FOXD4L1: variants seen among roughly 807,000 people sequenced by gnomAD.
FOXD4L1 encodes the protein forkhead box protein D4-like 1.
In FOXD4L1, 10 loss-of-function variants were observed where a neutral mutation model predicts 24.8. That is an observed-to-expected ratio of 0.40 (90% confidence interval 0.25 to 0.68). The LOEUF is 0.68. Among genes scored for constraint, FOXD4L1 ranks in the 30% least tolerant of loss-of-function variants. The pLI is 0.37. For missense variants in FOXD4L1, 364 were observed against 572.4 expected (o/e 0.64, Z 3.72); for synonymous variants, 159 against 256.4 (o/e 0.62, Z 3.63).
chr2:113,500,438 C>A, exon 1 of FOXD4L1: 1 of 1,518,658 alleles, frequency 6.6e-7, no homozygotes, highest in Non-Finnish European at 8.9e-7. Flanking sequence ...CACCTGTCGG[C>A]CGCGTCGGCG....
At chr2:113,499,348 G>C in exon 1 of FOXD4L1, 2 of 1,610,660 alleles carry the variant, frequency 1.2e-6, no homozygotes, top group Non-Finnish European at 1.7e-6. Context: ...GATGTCCTGG[G>C]AGAGGAGGAA....
chr2:113,499,598 G>T (rs543809844), exon 1 of FOXD4L1: 8 of 1,611,332 alleles, frequency 5.0e-6, no homozygotes, highest in Non-Finnish European at 6.8e-6. Flanking sequence ...CGTACATCGC[G>T]CTCATCACCA....
chr2:113,499,482 G>A (rs1485840189), exon 1 of FOXD4L1: 2 of 1,542,478 alleles, frequency 1.3e-6, no homozygotes, highest in Middle Eastern at 2.3e-4. Flanking sequence ...GCACATCGAG[G>A]GCGGCGGCCC....
At chr2:113,499,032 G>T (rs151262609) in exon 1 of FOXD4L1, 4 of 694,444 alleles carry the variant, frequency 5.8e-6, no homozygotes, top group African/African-American at 3.6e-5. Context: ...GGTTATAAAG[G>T]GGGGAGTCCA....
At position 113,500,484 on chromosome 2, in the gene FOXD4L1, G is replaced by A. The variant is rs1682423848; in HGVS notation, c.*1G>A. 2.0e-6 allele frequency: 3 copies of A among 1,517,416 alleles called. 1 individual carries two copies. Among genetic ancestry groups the A allele is most frequent in the Admixed American group, 4.0e-5 (2 of 49,914 alleles). 94.0% of individuals were successfully genotyped at this position (1,517,416 alleles called of 1,614,324 possible). On this transcript the variant is annotated 3_prime_UTR_variant, in exon 1 of 1. Coordinates refer to ENST00000306507, the Ensembl canonical transcript of FOXD4L1. ...ATCAGGCGGTGGCAGAGGGCTCTAGGCTGACATCGCTGGCTGCCCCTTTGG... is the reference window on the plus strand; with the variant it reads ...ATCAGGCGGTGGCAGAGGGCTCTAGACTGACATCGCTGGCTGCCCCTTTGG...
chr2:113,498,943 G>A (rs1006589313), exon 1 of FOXD4L1: 29 of 565,064 alleles, frequency 5.1e-5, no homozygotes, highest in Non-Finnish European at 7.9e-5. Context: ...GCTTTTCTCC[G>A]GACGGTGTTT....
At chr2:113,500,707 G>C in exon 1 of FOXD4L1, 1 of 1,198,302 alleles carries the variant, frequency 8.3e-7, no homozygotes, top group Non-Finnish European at 1.1e-6. Flanking sequence ...CTGCAAAATG[G>C]TTAGAAAGAA....
exon 1 of FOXD4L1, chr2:113,499,176 C>T: frequency 6.2e-7 from 1 of 1,610,790 alleles, no homozygotes; most frequent in Non-Finnish European, 8.5e-7. Flanking sequence ...TTGCAACATT[C>T]ATCCCAGGCT....
chr2:113,499,630 A>C (rs1403845956), exon 1 of FOXD4L1: 2 of 1,612,186 alleles, frequency 1.2e-6, no homozygotes, highest in Admixed American at 1.7e-5. Flanking sequence ...CAAAGCCCGC[A>C]CAAGCGCCTC....
chr2:113,501,006 T>G (rs2104913121), exon 1 of FOXD4L1: 1 of 180,088 alleles, frequency 5.6e-6, no homozygotes. Context: ...TGTGTCTTCC[T>G]GATAGGGATG....
exon 1 of FOXD4L1, chr2:113,500,731 G>A (rs1191833723): frequency 3.9e-6 from 4 of 1,016,088 alleles, no homozygotes; most frequent in African/African-American, 3.3e-5. Flanking sequence ...GCTGGATTAC[G>A]TTCCTCTAAA....
At chr2:113,499,716 A>G (rs1203719299) in exon 1 of FOXD4L1, 2 of 1,607,480 alleles carry the variant, frequency 1.2e-6, no homozygotes, top group Admixed American at 1.7e-5. Context: ...CTGGCAGAAC[A>G]GCATCCGCCA....
chr2:113,500,927 T>C lies in FOXD4L1; in HGVS notation c.*444T>C, dbSNP rs1198925161. ...ACACAGCCTCCGATGCCAAACATGTTCCCCCTTCTTCACTTCCTTGGAACT... is the reference window on the plus strand; with the variant it reads ...ACACAGCCTCCGATGCCAAACATGTCCCCCCTTCTTCACTTCCTTGGAACT... On this transcript the variant is annotated 3_prime_UTR_variant, in exon 1 of 1. Coordinates refer to ENST00000306507, the Ensembl canonical transcript of FOXD4L1. The C allele has an allele frequency of 2.7e-4, 77 of 283,202 alleles. 1 individual carries two copies. The highest frequency in any genetic ancestry group is 1.7e-3 in the African/African-American group (73 of 44,028). 17.5% of individuals were successfully genotyped at this position (283,202 alleles called of 1,614,324 possible).
In FOXD4L1 at chr2:113,500,504, C is replaced by T. The variant is rs1455499427; in HGVS notation, c.*21C>T. On this transcript the variant is annotated 3_prime_UTR_variant, in exon 1 of 1. Coordinates refer to ENST00000306507, the Ensembl canonical transcript of FOXD4L1. ...TCTAGGCTGACATCGCTGGCTGCCC[C>T]TTTGGGCGGAGAGGGGACCTCACCA... The T allele has an allele frequency of 9.2e-6, 14 of 1,516,446 alleles. 2 individuals carry two copies. In the African/African-American group the frequency reaches 1.2e-4, roughly 14 times the overall value. 93.9% of individuals were successfully genotyped at this position (1,516,446 alleles called of 1,614,324 possible). A position where few individuals can be genotyped will look rare whatever the true frequency, so the allele number is the denominator to read the frequency against.
rs1443168001 is a variant in FOXD4L1, at chr2:113,500,207, G to A, written c.951G>A (p.Pro317=). ...AGGGCAAGGGTCTGGCGTCGCCACC[G>A]GGAGGCGGATGCATCTCTTTCAGCA... is the stretch of plus-strand genomic sequence containing the variant. The change falls in exon 1 of 1, where the codon CCG becomes CCA. Residue 317 remains proline (P), a synonymous_variant. Coordinates refer to ENST00000306507, the Ensembl canonical transcript of FOXD4L1. 1.5e-5 allele frequency: 23 copies of A among 1,558,240 alleles called. 1 individual carries two copies. The highest frequency in any genetic ancestry group is 1.7e-5 in the Non-Finnish European group (20 of 1,155,842).
At chr2:113,499,770 C>T in exon 1 of FOXD4L1, 1 of 1,542,242 alleles carries the variant, frequency 6.5e-7, no homozygotes, top group Non-Finnish European at 8.8e-7. Context: ...CCCCCGCGAG[C>T]CGGGCCACCC....
At chr2:113,499,493 G>A (rs752097447) in exon 1 of FOXD4L1, 4 of 1,580,334 alleles carry the variant, frequency 2.5e-6, no homozygotes, top group Non-Finnish European at 3.4e-6. Context: ...GCGGCGGCCC[G>A]AGCGACCCCT....
chr2:113,499,825 T>G (rs1166908626), exon 1 of FOXD4L1: 1 of 1,555,848 alleles, frequency 6.4e-7, no homozygotes, highest in Non-Finnish European at 8.8e-7. Flanking sequence ...TCCCAGGACA[T>G]GTTCGACAAT....
At chr2:113,499,161 GCTT>G in exon 1 of FOXD4L1, 1 of 1,605,048 alleles carries the variant, frequency 6.2e-7, no homozygotes, top group Non-Finnish European at 8.5e-7. Flanking sequence ...TAGCGTTCCT[GCTT>G]CTTGCAACAT....
Sources: gnomAD v4.1 joint callset for allele counts on GRCh38, gnomAD v4.1.1 for gene constraint, MANE v1.5 for transcripts, NCBI Gene and HGNC (gene_info 2026-07-23, HGNC 2026-07-21) for gene names.